Variants in JAK2 observed in about 807,000 individuals in gnomAD.
The protein encoded by JAK2 is tyrosine-protein kinase JAK2.
In JAK2, 86 loss-of-function variants were observed where a neutral mutation model predicts 139.3. That is an observed-to-expected ratio of 0.62 (90% CI 0.52 to 0.74). The LOEUF is 0.74. Among genes scored for constraint, JAK2 ranks in the 30% least tolerant of loss-of-function variants. JAK2 has a pLI of 0.00. For missense variants in JAK2, 1,421 were observed against 1,360.3 expected (o/e 1.04, Z -0.70); for synonymous variants, 490 against 437.7 (o/e 1.12, Z -1.49).
chr9:4,991,953 G>A (rs1485682945), intron 2 of JAK2, among the ~76,000 whole-genome samples: 1 of 152,034 alleles, frequency 6.6e-6, no homozygotes, highest in East Asian at 1.9e-4. Flanking sequence ...TGCTATTGCT[G>A]TGTAACAGAA....
At chr9:5,037,063 C>G (rs1255513362) in intron 4 of JAK2, among the ~76,000 whole-genome samples, 1 of 152,216 alleles carries the variant, frequency 6.6e-6, no homozygotes. Flanking sequence ...CGAACAGACA[C>G]TTCTTGAAAG....
chr9:5,069,242 G>C (rs376915240), intron 11 of JAK2, 34 bp downstream of exon 11: 3 of 1,431,560 alleles, frequency 2.1e-6, no homozygotes, highest in African/African-American at 2.8e-5. Context: ...TTAAATTACT[G>C]GTCATGGATT....
chr9:5,058,442 G>A (rs948796715), intron 8 of JAK2, among the ~76,000 whole-genome samples: 72 of 152,254 alleles, frequency 4.7e-4, no homozygotes, highest in African/African-American at 1.7e-3. Flanking sequence ...TCACTATCAT[G>A]AGAACAGCAT....
intron 22 of JAK2, among the ~76,000 whole-genome samples, chr9:5,092,738 A>G (rs1415719739): frequency 3.3e-5 from 5 of 152,190 alleles, no homozygotes; most frequent in Non-Finnish European, 7.3e-5. Flanking sequence ...GAGCGTACTC[A>G]CCTACGTGGC....
intron 6 of JAK2, among the ~76,000 whole-genome samples, chr9:5,051,163 A>G (rs1333724584): frequency 9.9e-5 from 15 of 152,206 alleles, no homozygotes. Flanking sequence ...ATAATAAAAA[A>G]TCATATGGGT....
chr9:5,112,980 G>A (rs547084254), intron 22 of JAK2: 5 of 189,696 alleles, frequency 2.6e-5, no homozygotes, highest in South Asian at 3.2e-4. Context: ...AGCCAACACC[G>A]ACCTGATGAG....
intron 2 of JAK2, among the ~76,000 whole-genome samples, chr9:5,007,722 T>A (rs1821400919): frequency 6.7e-6 from 1 of 148,258 alleles, no homozygotes; most frequent in Non-Finnish European, 1.5e-5. Flanking sequence ...ATTATTATAT[T>A]GTCTTTTTTT....
chr9:5,109,005 A>G (rs1256757162), intron 22 of JAK2: 1 of 152,108 alleles, frequency 6.6e-6, no homozygotes, highest in African/African-American at 2.4e-5. Flanking sequence ...GACTTCTAGC[A>G]AATCTCACTA....
chr9:5,085,484 C>A, intron 19 of JAK2: 2 of 723,940 alleles, frequency 2.8e-6, no homozygotes, highest in South Asian at 2.8e-5. Context: ...CTCTCATGCT[C>A]ATTTTCTTTT....
intron 15 of JAK2, 34 bp downstream of exon 15, chr9:5,077,614 A>G: frequency 1.5e-6 from 2 of 1,332,828 alleles, no homozygotes; most frequent in Non-Finnish European, 1.0e-6. Flanking sequence ...AAAAGATACT[A>G]TTTTATTTTA....
At chr9:5,048,832 G>A (rs973206834) in intron 5 of JAK2, among the ~76,000 whole-genome samples, 1 of 152,196 alleles carries the variant, frequency 6.6e-6, no homozygotes, top group Admixed American at 6.5e-5. Flanking sequence ...AAATACAGAT[G>A]TAGAGTATAG....
At chr9:5,098,732 C>A (rs929646707) in intron 22 of JAK2, 2 of 150,206 alleles carry the variant, frequency 1.3e-5, no homozygotes, top group African/African-American at 2.5e-5. Context: ...CTCGCTCTGT[C>A]GCCCAGGCTG....
At chr9:5,030,485 C>T (rs1563938531) in intron 4 of JAK2, among the ~76,000 whole-genome samples, 1 of 151,884 alleles carries the variant, frequency 6.6e-6, no homozygotes, top group African/African-American at 2.4e-5. Flanking sequence ...CATTTATATA[C>T]ATATATATAT....
intron 24 of JAK2, 21 bp from the exon 25 acceptor site, chr9:5,126,663 G>C (rs751895099): frequency 7.2e-6 from 11 of 1,520,314 alleles, no homozygotes; most frequent in Non-Finnish European, 9.0e-6. Flanking sequence ...ATTTAATTTT[G>C]GTTTATTTTC....
At chr9:4,988,397 T>C (rs1263584299) in intron 2 of JAK2, among the ~76,000 whole-genome samples, 1 of 152,228 alleles carries the variant, frequency 6.6e-6, no homozygotes, top group East Asian at 1.9e-4. Flanking sequence ...GACAGTGTGG[T>C]ATTGTCCAAT....
At chr9:5,050,324 C>G (rs918534771) in intron 5 of JAK2, among the ~76,000 whole-genome samples, 5 of 152,124 alleles carry the variant, frequency 3.3e-5, no homozygotes, top group African/African-American at 9.7e-5. Context: ...GAGACTGGGT[C>G]TTGGTCTGTT....
intron 22 of JAK2, chr9:5,112,491 C>G (rs987979867): frequency 1.3e-5 from 7 of 552,952 alleles, no homozygotes; most frequent in African/African-American, 5.9e-5. Context: ...CAGACAAGGA[C>G]GAGGAGGAAG....
At position 5,066,794 on chromosome 9, in the gene JAK2, G is replaced by A. The variant is rs1160104959; in HGVS notation, c.1326+5G>A. 1 of 1,367,516 alleles carries A rather than the reference G, an allele frequency of 7.3e-7. No individual in the cohort carries two copies. The highest frequency in any genetic ancestry group is 1.0e-6 in the Non-Finnish European group (1 of 992,752). 84.7% of individuals were successfully genotyped at this position (1,367,516 alleles called of 1,614,324 possible). On this transcript the variant is annotated splice_donor_5th_base_variant and intron_variant, in intron 10 of 24. Transcript: ENST00000381652. ...TTTTTGACTTTTGCTGTCGAGGTTA[G>A]TATGTCACACTTATTAGTGGTAACA... is the stretch of plus-strand genomic sequence containing the variant.
At position 5,090,855 on chromosome 9, in the gene JAK2, G is replaced by A. The variant is rs772280178; in HGVS notation, c.3003G>A (p.Leu1001=). The change falls in exon 22 of 25, where the codon TTG becomes TTA. Residue 1001 remains leucine, a synonymous_variant. Transcript: ENST00000381652. ...KIGDFGLTKV[L]PQDKEYYKVK... is the part of the protein sequence containing the mutation. ...GAGATTTTGGGTTAACCAAAGTCTT[G>A]CCACAAGACAAAGAATACTATAAAG... 5 of 1,613,088 alleles carry A rather than the reference G, an allele frequency of 3.1e-6. No individual in the cohort carries two copies. The South Asian group carries it at 5.5e-5, about 18-fold the overall frequency.
Sources: allele counts gnomAD v4.1 joint callset (sites outside exome capture counted in the v4.1 genomes callset), GRCh38; gene constraint gnomAD v4.1.1; transcripts MANE v1.5; gene names NCBI Gene and HGNC (gene_info 2026-07-23, HGNC 2026-07-21).